Variants in TRAF3IP2 observed in about 807,000 individuals in gnomAD.
The protein encoded by TRAF3IP2 is E3 ubiquitin ligase TRAF3IP2.
In TRAF3IP2, 35 loss-of-function variants were observed where a neutral mutation model predicts 57.9. The observed-to-expected ratio is 0.60, with a 90% confidence interval of 0.46 to 0.80. TRAF3IP2 has a LOEUF of 0.80. TRAF3IP2 is among the 30% of genes least tolerant of loss of function. The probability of loss-of-function intolerance (pLI) is 0.00; values close to 1 mark genes in which losing one functional copy is unlikely to be tolerated. For missense variants in TRAF3IP2, 556 were observed against 706.4 expected (o/e 0.79, Z 2.41); for synonymous variants, 251 against 268.9 (o/e 0.93, Z 0.65).
chr6:111,564,722 A>G (rs1054341494), intron 7 of TRAF3IP2, among the ~76,000 whole-genome samples: 1 of 152,178 alleles, frequency 6.6e-6, no homozygotes, highest in East Asian at 1.9e-4. Flanking sequence ...AAGTTTGGCG[A>G]CAGTTTGGTT....
At chr6:111,567,948 G>T (rs1287362439) in intron 5 of TRAF3IP2, among the ~76,000 whole-genome samples, 1 of 152,128 alleles carries the variant, frequency 6.6e-6, no homozygotes, top group Non-Finnish European at 1.5e-5. Flanking sequence ...ATATATCTAT[G>T]GCTACACAAT....
intron 5 of TRAF3IP2, among the ~76,000 whole-genome samples, chr6:111,569,627 G>A (rs1328145560): frequency 1.3e-5 from 2 of 152,196 alleles, no homozygotes; most frequent in African/African-American, 2.4e-5. Flanking sequence ...TTGGTGGCAG[G>A]TGCCTGTAAT....
At chr6:111,572,552 G>A (rs1041378966) in intron 5 of TRAF3IP2, among the ~76,000 whole-genome samples, 1 of 152,212 alleles carries the variant, frequency 6.6e-6, no homozygotes, top group Non-Finnish European at 1.5e-5. Flanking sequence ...AGACAAAGTG[G>A]GCATGATTGG....
chr6:111,595,623 T>G (rs577243041), intron 1 of TRAF3IP2, among the ~76,000 whole-genome samples: 2 of 151,326 alleles, frequency 1.3e-5, no homozygotes, highest in Non-Finnish European at 2.9e-5. Context: ...AAGTCAGGAG[T>G]TCGAGACCAG....
At position 111,567,124 on chromosome 6, in the gene TRAF3IP2, A is replaced by G. The variant is rs2235174; in HGVS notation, c.1359+500T>C. The G allele has an allele frequency of 1.6e-5, 15 of 967,584 alleles. No homozygotes were observed. In the East Asian group the frequency reaches 1.5e-3, roughly 100 times the overall value. 59.9% of individuals were successfully genotyped at this position (967,584 alleles called of 1,614,324 possible). A position where few individuals can be genotyped will look rare whatever the true frequency, so the allele number is the denominator to read the frequency against. On this transcript the variant is annotated intron_variant, in intron 6 of 8. Coordinates refer to ENST00000368761, the MANE Select transcript of TRAF3IP2 (RefSeq NM_147686.4). ...AGCCGACACGGACACGCTGGCAGCA[A>G]TCAATTTCGATCTTGTTAAAGCACA...
At chr6:111,564,800 C>A (rs1324441128) in intron 7 of TRAF3IP2, among the ~76,000 whole-genome samples, 1 of 152,230 alleles carries the variant, frequency 6.6e-6, no homozygotes, top group Admixed American at 6.5e-5. Context: ...ACCACACACC[C>A]ACAGAGCTAG....
chr6:111,565,225 C>T (rs1795594033), intron 7 of TRAF3IP2: 1 of 152,312 alleles, frequency 6.6e-6, no homozygotes. Flanking sequence ...CACCCTCCTA[C>T]TTTCCCACGC....
At chr6:111,577,574 A>C (rs1796027208) in intron 3 of TRAF3IP2, among the ~76,000 whole-genome samples, 3 of 151,146 alleles carry the variant, frequency 2.0e-5, no homozygotes, top group Admixed American at 2.0e-4. Context: ...TTATTTTGGT[A>C]GAGATGGGAT....
In TRAF3IP2 at chr6:111,587,382, G is replaced by A. The variant is rs377558406; in HGVS notation, c.829+3876C>T. Among the ~76,000 whole-genome samples, 96 of 151,854 alleles carry A rather than the reference G, an allele frequency of 6.3e-4. 1 individual carries two copies. The South Asian group carries it at 0.018, about 29-fold the overall frequency. ...GTGATTCTCATGCCTCAGCCTCCCC[G>A]AGTAGCTGGGATTACAGGTGCCCAC... On this transcript the variant is annotated intron_variant, in intron 2 of 8. Coordinates refer to ENST00000368761, the MANE Select transcript of TRAF3IP2 (RefSeq NM_147686.4).
intron 2 of TRAF3IP2, among the ~76,000 whole-genome samples, 162 bp from the exon 3 acceptor site, chr6:111,580,551 T>C (rs899174312): frequency 5.9e-5 from 9 of 152,238 alleles, no homozygotes; most frequent in African/African-American, 2.2e-4. Context: ...TACTGTTAAT[T>C]ACTTGAGTGT....
At chr6:111,583,557 C>T (rs2128379082) in intron 2 of TRAF3IP2, among the ~76,000 whole-genome samples, 1 of 152,318 alleles carries the variant, frequency 6.6e-6, no homozygotes, top group South Asian at 2.1e-4. Context: ...CTGCACGCTC[C>T]TTATGAGAAT....
intron 1 of TRAF3IP2, among the ~76,000 whole-genome samples, chr6:111,595,932 A>C (rs1467363484): frequency 6.6e-6 from 1 of 152,164 alleles, no homozygotes; most frequent in Non-Finnish European, 1.5e-5. Context: ...ATCCAGCCTA[A>C]GAGAGGAAAC....
At chr6:111,565,606 C>T (rs551440527) in intron 7 of TRAF3IP2, among the ~76,000 whole-genome samples, 1 of 152,082 alleles carries the variant, frequency 6.6e-6, no homozygotes, top group Non-Finnish European at 1.5e-5. Flanking sequence ...GCCTCCTAGT[C>T]AAGCAGAAAC....
intron 2 of TRAF3IP2, among the ~76,000 whole-genome samples, chr6:111,585,334 CAAA>C (rs66486925): frequency 6.8e-6 from 1 of 146,438 alleles, no homozygotes; most frequent in South Asian, 2.1e-4. Context: ...CCTCCCAGGC[CAAA>C]AAAAAAAAAA....
intron 1 of TRAF3IP2, chr6:111,600,688 G>A (rs1196854785): frequency 6.6e-6 from 1 of 152,208 alleles, no homozygotes; most frequent in African/African-American, 2.4e-5. Flanking sequence ...ACCATTCTGA[G>A]CAACAGGCTG....
rs1326256531 is a variant in TRAF3IP2 at position 111,592,041 on chromosome 6, G to C, written c.46C>G (p.Pro16Ala). 6.2e-7 allele frequency: 1 copy of C among 1,614,048 alleles called. No homozygotes were observed. The highest frequency in any genetic ancestry group is 8.5e-7 in the Non-Finnish European group (1 of 1,180,030). The change falls in exon 2 of 9, where the codon CCA becomes GCA. Residue 16 changes from proline (P) to alanine (A), a missense_variant. Around this residue, in one of 2 missense-constraint regions of TRAF3IP2, gnomAD observed 428 missense variants for 498.7 expected, o/e 0.86. Coordinates refer to ENST00000368761, the MANE Select transcript of TRAF3IP2 (RefSeq NM_147686.4). ...PVEVDESEPYPSQLLKPIPEY... is the reference protein window; with the variant it reads ...PVEVDESEPYASQLLKPIPEY... ...GGGATTGGTTTCAGCAACTGACTTG[G>C]GTATGGTTCTGATTCATCAACCTCC... is the stretch of plus-strand genomic sequence containing the variant.
intron 2 of TRAF3IP2, among the ~76,000 whole-genome samples, chr6:111,580,707 T>C (rs1377038467): frequency 2.6e-5 from 4 of 152,182 alleles, no homozygotes; most frequent in Admixed American, 2.6e-4. Context: ...AATCCAACCA[T>C]GAAGAACCTC....
At chr6:111,570,896 T>C (rs1280526824) in intron 5 of TRAF3IP2, among the ~76,000 whole-genome samples, 1 of 150,922 alleles carries the variant, frequency 6.6e-6, no homozygotes, top group Non-Finnish European at 1.5e-5. Context: ...GTTGCCACAG[T>C]GCTTTCTTTT....
chr6:111,567,539 G>T, intron 6 of TRAF3IP2, 85 bp downstream of exon 6: 1 of 1,450,012 alleles, frequency 6.9e-7, no homozygotes, highest in Non-Finnish European at 9.3e-7. Flanking sequence ...AGGTGGGTAT[G>T]CCAGGGTTTC....
Sources: gnomAD v4.1 joint callset for allele counts (sites outside exome capture counted in the v4.1 genomes callset) on GRCh38, gnomAD v4.1.1 for gene constraint, gnomAD v4.1.1 regional missense constraint, MANE v1.5 for transcripts, NCBI Gene and HGNC (gene_info 2026-07-23, HGNC 2026-07-21) for gene names.